The following FHIT variants were observed in gnomAD, a reference collection of about 807,000 sequenced individuals.
The protein encoded by FHIT is bis(5'-adenosyl)-triphosphatase.
In FHIT, 19 loss-of-function variants were observed where a neutral mutation model predicts 17.9. The observed-to-expected ratio is 1.06, with a 90% CI of 0.74 to 1.56. The LOEUF (loss-of-function observed/expected upper bound fraction) is 1.56. Among genes scored for constraint, FHIT ranks in the 40% most tolerant of loss-of-function variants. The probability of loss-of-function intolerance (pLI) is 0.00; values close to 1 mark genes in which losing one functional copy is unlikely to be tolerated. For synonymous variants in FHIT, 81 were observed against 69.7 expected (o/e 1.16, Z -0.81); for missense variants, 248 against 189.2 (o/e 1.31, Z -1.82).
chr3:60,255,033 G>A (rs759142890), intron 5 of FHIT, among the ~76,000 whole-genome samples: 7 of 152,030 alleles, frequency 4.6e-5, no homozygotes, highest in Admixed American at 1.3e-4. Context: ...TAGTGCTAAG[G>A]CATGTATTTT....
intron 5 of FHIT, among the ~76,000 whole-genome samples, chr3:60,020,902 G>T (rs1297744117): frequency 6.6e-6 from 1 of 152,096 alleles, no homozygotes; most frequent in Non-Finnish European, 1.5e-5. Context: ...ATATCAGAAA[G>T]GCAGAAATAT....
At chr3:60,306,091 G>A (rs1441518842) in intron 5 of FHIT, among the ~76,000 whole-genome samples, 1 of 152,052 alleles carries the variant, frequency 6.6e-6, no homozygotes, top group East Asian at 1.9e-4. Context: ...GTAGTACTGT[G>A]GTATGTCTTC....
chr3:60,937,611 T>C (rs1483978288), intron 3 of FHIT, among the ~76,000 whole-genome samples: 2 of 137,512 alleles, frequency 1.5e-5, no homozygotes, highest in Non-Finnish European at 3.1e-5. Flanking sequence ...TCACCCAGGC[T>C]GGAGTGCAAT....
At chr3:61,085,372 A>G (rs564251684) in intron 2 of FHIT, among the ~76,000 whole-genome samples, 1 of 152,240 alleles carries the variant, frequency 6.6e-6, no homozygotes, top group Admixed American at 6.5e-5. Flanking sequence ...GTGGTATATA[A>G]TAATATTTCA....
intron 5 of FHIT, among the ~76,000 whole-genome samples, chr3:60,062,500 T>G (rs1458026112): frequency 6.6e-6 from 1 of 152,166 alleles, no homozygotes; most frequent in African/African-American, 2.4e-5. Flanking sequence ...AAATAAAGCT[T>G]CAAAACTTAA....
intron 5 of FHIT, among the ~76,000 whole-genome samples, chr3:60,438,375 C>A (rs2030470879): frequency 6.6e-6 from 1 of 152,042 alleles, no homozygotes; most frequent in African/African-American, 2.4e-5. Flanking sequence ...ACTAGTAACA[C>A]TGCTTTCCAC....
intron 4 of FHIT, chr3:60,690,394 C>T: frequency 1.7e-6 from 1 of 578,480 alleles, no homozygotes; most frequent in South Asian, 1.4e-5. Flanking sequence ...AAACTGGGAA[C>T]CATTTGCGTT....
intron 8 of FHIT, among the ~76,000 whole-genome samples, chr3:59,876,026 G>C (rs956368199): frequency 1.1e-4 from 17 of 151,614 alleles, no homozygotes; most frequent in African/African-American, 3.6e-4. Context: ...TTCCAGTATA[G>C]AGACACAGAA....
chr3:60,859,357 T>C (rs1415742813), intron 3 of FHIT, among the ~76,000 whole-genome samples: 6 of 152,102 alleles, frequency 3.9e-5, no homozygotes, highest in African/African-American at 1.4e-4. Context: ...GGTATTAATA[T>C]TGTTTTGCTG....
chr3:60,496,827 G>T (rs1292484632), intron 5 of FHIT, among the ~76,000 whole-genome samples: 1 of 152,150 alleles, frequency 6.6e-6, no homozygotes. Flanking sequence ...ATTTATTCAT[G>T]TAGCTGTATC....
chr3:60,226,490 A>AAAAAAAAAAC, intron 5 of FHIT, among the ~76,000 whole-genome samples: 1 of 150,636 alleles, frequency 6.6e-6, no homozygotes, highest in Non-Finnish European at 1.5e-5. Flanking sequence ...AAAAAAAAAA[A>AAAAAAAAAAC]AAAACACTGC....
At chr3:60,604,469 C>G (rs5016304) in intron 4 of FHIT, among the ~76,000 whole-genome samples, 53,644 of 152,024 alleles carry the variant, frequency 0.35, 10,124 homozygotes, top group East Asian at 0.49. Context: ...AAGAGCCAGA[C>G]ATGCATTTTT....
intron 5 of FHIT, among the ~76,000 whole-genome samples, chr3:60,355,237 T>A (rs988292519): frequency 1.3e-5 from 2 of 152,194 alleles, no homozygotes; most frequent in African/African-American, 2.4e-5. Context: ...TAAGTTCCAC[T>A]TCTCGATTTA....
At chr3:60,853,121 T>C (rs1553748909) in intron 3 of FHIT, among the ~76,000 whole-genome samples, 2 of 152,108 alleles carry the variant, frequency 1.3e-5, no homozygotes, top group African/African-American at 4.8e-5. Context: ...GCCCTCCAAC[T>C]GAGTTTTCCA....
intron 5 of FHIT, among the ~76,000 whole-genome samples, chr3:60,247,956 T>C (rs1705489566): frequency 6.6e-6 from 1 of 152,170 alleles, no homozygotes; most frequent in South Asian, 2.1e-4. Context: ...TTTAAATCGA[T>C]AAGCACATGG....
chr3:60,308,144 T>C (rs1201446336), intron 5 of FHIT, among the ~76,000 whole-genome samples: 3 of 152,096 alleles, frequency 2.0e-5, no homozygotes, highest in East Asian at 3.9e-4. Context: ...AAGTCACCCA[T>C]ATAAGGAGTC....
chr3:60,860,499 T>C lies in FHIT; in HGVS notation c.-110-38488A>G, dbSNP rs1266071624. ...ATATGATACATATGTATCATATATA[T>C]CAGGTATATATGATACATATGTATC... On this transcript the variant is annotated intron_variant, in intron 3 of 9. Coordinates refer to ENST00000492590, the MANE Select transcript of FHIT (RefSeq NM_002012.4). 1.3e-3 allele frequency among the ~76,000 whole-genome samples: 120 copies of C among 94,684 alleles called. 1 individual carries two copies. Among genetic ancestry groups the C allele is most frequent in the African/African-American group, 3.1e-3 (76 of 24,356 alleles). 62.1% of individuals were successfully genotyped at this position (94,684 alleles called of 152,430 possible).
At chr3:61,205,719 C>T (rs1423545129) in intron 1 of FHIT, among the ~76,000 whole-genome samples, 2 of 152,090 alleles carry the variant, frequency 1.3e-5, no homozygotes, top group Admixed American at 1.3e-4. Context: ...GGGATATTAG[C>T]CCTTTGTCAG....
chr3:60,324,600 C>T (rs971714711), intron 5 of FHIT, among the ~76,000 whole-genome samples: 4 of 146,636 alleles, frequency 2.7e-5, no homozygotes, highest in African/African-American at 1.0e-4. Context: ...ATTCCAGTTA[C>T]TAGCAACTGA....
Sources: allele counts gnomAD v4.1 joint callset (sites outside exome capture counted in the v4.1 genomes callset), GRCh38; gene constraint gnomAD v4.1.1; transcripts MANE v1.5; gene names NCBI Gene and HGNC (gene_info 2026-07-23, HGNC 2026-07-21).